The following TRANK1 variants were observed in gnomAD, a reference collection of about 807,000 sequenced individuals.
TRANK1 encodes tetratricopeptide repeat and ankyrin repeat containing 1, also known as TPR and ankyrin repeat-containing protein 1.
TRANK1 carries 198 observed loss-of-function variants against 266.0 expected under a neutral mutation model. That is an observed-to-expected ratio of 0.74 (90% CI 0.66 to 0.84). The LOEUF is 0.84. TRANK1 is among the 40% of genes least tolerant of loss of function. The pLI is 0.00. For synonymous variants in TRANK1, 1,396 were observed against 1,384.1 expected (o/e 1.01, Z -0.19); for missense variants, 3,326 against 3,634.6 (o/e 0.92, Z 2.18).
chr3:36,834,626 G>GC, intron 21 of TRANK1, 136 bp downstream of exon 21: 1 of 951,198 alleles, frequency 1.1e-6, no homozygotes, highest in Non-Finnish European at 1.5e-6. Flanking sequence ...CAGCACTGAG[G>GC]CCATCGCTTA....
chr3:36,924,181 T>G (rs984531878), intron 1 of TRANK1, among the ~76,000 whole-genome samples: 1 of 152,198 alleles, frequency 6.6e-6, no homozygotes, highest in Non-Finnish European at 1.5e-5. Flanking sequence ...TACCCTTTTT[T>G]CCTCGTACCT....
chr3:36,862,784 G>A (rs1221860201), intron 10 of TRANK1, among the ~76,000 whole-genome samples: 7 of 152,194 alleles, frequency 4.6e-5, no homozygotes, highest in African/African-American at 1.4e-4. Flanking sequence ...AGTCTGAGAT[G>A]GAAGCCAACT....
chr3:36,878,939 G>T (rs975861286), intron 8 of TRANK1, among the ~76,000 whole-genome samples: 1 of 151,998 alleles, frequency 6.6e-6, no homozygotes, highest in Middle Eastern at 3.4e-3. Flanking sequence ...TTTCTTTAAG[G>T]AATTTTGCTA....
chr3:36,828,221 T>C lies in TRANK1; in HGVS notation c.*54A>G. The C allele has an allele frequency of 7.3e-7, 1 of 1,377,990 alleles. No homozygotes were observed. Among genetic ancestry groups the C allele is most frequent in the South Asian group, 1.2e-5 (1 of 81,620 alleles). 85.4% of individuals were successfully genotyped at this position (1,377,990 alleles called of 1,614,324 possible). A position where few individuals can be genotyped will look rare whatever the true frequency, so the allele number is the denominator to read the frequency against. On this transcript the variant is annotated 3_prime_UTR_variant, in exon 24 of 24. Coordinates refer to ENST00000645898, the MANE Select transcript of TRANK1 (RefSeq NM_001329998.2). ...TGTCTTCTGCCCCAGCGCTCAGAAT[T>C]CTAAGTCAGAATGGAATGTTCCGAA... is the stretch of plus-strand genomic sequence containing the variant.
At position 36,831,364 on chromosome 3, in the gene TRANK1, A is replaced by G. The variant is rs1007557582; in HGVS notation, c.8219T>C (p.Val2740Ala). Reference sequence around the variant, plus strand: ...CCTGACACGCTCCATCTGGGTGCCCACTCTTCTCCTCCAACTGATGCACAG... The same window carrying G: ...CCTGACACGCTCCATCTGGGTGCCCGCTCTTCTCCTCCAACTGATGCACAG... Reference protein sequence around the residue: ...VSLCISWRRRVGTQMERVREE... With the variant: ...VSLCISWRRRAGTQMERVREE... The change falls in exon 22 of 24, where the codon GTG becomes GCG. Residue 2740 changes from valine (V) to alanine (A), a missense_variant. Val to Ala is a moderately conservative substitution (Grantham distance 64). Coordinates refer to ENST00000645898, the MANE Select transcript of TRANK1 (RefSeq NM_001329998.2). The surrounding 1 kb of genome is among the most constrained non-coding windows in gnomAD (Gnocchi z 5.0). The G allele has an allele frequency of 1.2e-6, 2 of 1,612,616 alleles. No homozygotes were observed. The highest frequency in any genetic ancestry group is 1.7e-6 in the Non-Finnish European group (2 of 1,179,470).
intron 9 of TRANK1, among the ~76,000 whole-genome samples, chr3:36,869,597 A>C (rs1333380844): frequency 6.6e-6 from 1 of 152,244 alleles, no homozygotes; most frequent in Non-Finnish European, 1.5e-5. Flanking sequence ...GGGAAGGATT[A>C]AGGTCCATAA....
At chr3:36,872,530 A>G (rs976765762) in intron 9 of TRANK1, among the ~76,000 whole-genome samples, 2 of 152,234 alleles carry the variant, frequency 1.3e-5, no homozygotes, top group Non-Finnish European at 2.9e-5. Context: ...TGGCAAATAT[A>G]AAACATGAAT....
intron 20 of TRANK1, among the ~76,000 whole-genome samples, chr3:36,836,477 C>G (rs959772569): frequency 3.3e-5 from 5 of 151,946 alleles, no homozygotes; most frequent in African/African-American, 9.7e-5. Flanking sequence ...TCTAGATAAG[C>G]CTAAAGTATA....
Position 36,864,431 on chromosome 3 carries a change from C to T in TRANK1, c.1128G>A (p.Lys376=). Residue 376 remains lysine, a synonymous_variant, in exon 10 of 24, where the codon AAG becomes AAA. Transcript: ENST00000645898. The part of the protein sequence containing the change: ...GPTSENDIFR[K]VLEQLVKYMN... Reference sequence around the variant, plus strand: ...TATACTTCACCAGCTGCTCCAAGACCTTCCTGAAAATGTCGTTTTCACTAG... The same window carrying T: ...TATACTTCACCAGCTGCTCCAAGACTTTCCTGAAAATGTCGTTTTCACTAG... The T allele has an allele frequency of 6.5e-7, 1 of 1,536,596 alleles. No homozygotes were observed. The highest frequency in any genetic ancestry group is 8.7e-7 in the Non-Finnish European group (1 of 1,146,668).
upstream of TRANK1, among the ~76,000 whole-genome samples, chr3:36,945,568 T>C (rs1220635205): frequency 1.3e-5 from 2 of 152,128 alleles, no homozygotes; most frequent in Non-Finnish European, 2.9e-5. Flanking sequence ...GGAGAGTAAG[T>C]GCGCACAGGC....
chr3:36,856,125 A>G lies in TRANK1; in HGVS notation c.3597T>C (p.His1199=), dbSNP rs772469439. 4 of 1,613,838 alleles carry G rather than the reference A, an allele frequency of 2.5e-6. No individual in the cohort carries two copies. The highest frequency in any genetic ancestry group is 2.2e-5 in the East Asian group (1 of 44,852). The change falls in exon 13 of 24, where the codon CAT becomes CAC. Residue 1199 remains histidine (H), a synonymous_variant. Transcript: ENST00000645898. ...HLHQIFVTKN[H]VLCQEVQRNF... is the part of the protein sequence containing the mutation. ...TCCTTTGTACCTCCTGGCACAGCAC[A>G]TGGTTCTTGGTCACAAAGATCTGAT...
At chr3:36,866,113 A>AAAGAAAG (rs1491176154) in intron 9 of TRANK1, among the ~76,000 whole-genome samples, 3 of 151,774 alleles carry the variant, frequency 2.0e-5, no homozygotes, top group Non-Finnish European at 4.4e-5. Context: ...AGAAAGAAAG[A>AAAGAAAG]AAGAGTCACC....
chr3:36,838,164 C>A (rs912190353), intron 20 of TRANK1, among the ~76,000 whole-genome samples: 1 of 152,208 alleles, frequency 6.6e-6, no homozygotes, highest in Non-Finnish European at 1.5e-5. Context: ...AACACACACA[C>A]ACACACGCAC....
Position 36,832,326 on chromosome 3 carries a change from C to T in TRANK1, c.7257G>A (p.Val2419=). Residue 2419 remains valine (V), a synonymous_variant, in exon 22 of 24, where the codon GTG becomes GTA. Coordinates refer to ENST00000645898, the MANE Select transcript of TRANK1 (RefSeq NM_001329998.2). ...TCTTGTAGTCTTCTGGGTTCCTGTA[C>T]ACGTAGAATTGATCAATGCAATTCT... ...LLENCIDQFY[V]YRNPEDYKRL... The T allele has an allele frequency of 2.5e-6, 4 of 1,614,014 alleles. No homozygotes were observed. Among genetic ancestry groups the T allele is most frequent in the Non-Finnish European group, 3.4e-6 (4 of 1,179,892 alleles).
At chr3:36,839,126 A>T (rs2078809526) in intron 18 of TRANK1, among the ~76,000 whole-genome samples, 1 of 152,170 alleles carries the variant, frequency 6.6e-6, no homozygotes, top group Admixed American at 6.6e-5. Context: ...GTTGGTGAGT[A>T]CAACAGCTAC....
chr3:36,831,028 C>A lies in TRANK1; in HGVS notation c.8555G>T (p.Gly2852Val), dbSNP rs62245251. 2.4e-5 allele frequency: 38 copies of A among 1,613,900 alleles called. No individual in the cohort carries two copies. The highest frequency in any genetic ancestry group is 1.5e-4 in the Admixed American group (9 of 60,014). The change falls in exon 22 of 24, where the codon GGC becomes GTC. Residue 2852 changes from glycine (G) to valine (V), a missense_variant. Physicochemically the swap from Gly to Val is moderately radical, Grantham distance 109 (BLOSUM62 -3). Transcript: ENST00000645898. The surrounding 1 kb of genome is among the most constrained non-coding windows in gnomAD (Gnocchi z 5.0). ...CTCGATGTCCTGCACCACCAGCTTG[C>A]CTTCATCAATGGCCGGGTCCACCTT... ...HEKVDPAIDE[G>V]KLVVQDIEQS...
At chr3:36,928,668 G>A (rs570673550) in intron 1 of TRANK1, among the ~76,000 whole-genome samples, 5 of 152,180 alleles carry the variant, frequency 3.3e-5, no homozygotes, top group African/African-American at 9.6e-5. Context: ...AAGGTAATAA[G>A]AAGAACATTA....
Position 36,851,872 on chromosome 3 carries a change from A to G in TRANK1, c.4750-16T>C. On this transcript the variant is annotated splice_polypyrimidine_tract_variant and intron_variant, in intron 14 of 23. Transcript: ENST00000645898. ...CAAGGATTACCTGAAGAAAAACAAA[A>G]GAACATCAAATTCTACAGAGAAAAC... The G allele has an allele frequency of 6.3e-7, 1 of 1,577,192 alleles. No homozygotes were observed.
intron 9 of TRANK1, among the ~76,000 whole-genome samples, chr3:36,869,892 C>G (rs2079281278): frequency 6.6e-6 from 1 of 152,344 alleles, no homozygotes; most frequent in South Asian, 2.1e-4. Context: ...TTTCCATCAT[C>G]TAGGAAAATT....
Sources: gnomAD v4.1 joint callset for allele counts (sites outside exome capture counted in the v4.1 genomes callset) on GRCh38, gnomAD v4.1.1 for gene constraint, Gnocchi (gnomAD v3.1) non-coding constraint, MANE v1.5 for transcripts, NCBI Gene and HGNC (gene_info 2026-07-23, HGNC 2026-07-21) for gene names.